DCC: variants seen among roughly 807,000 people sequenced by gnomAD.
The protein encoded by DCC is DCC netrin 1 receptor, also known as netrin receptor DCC.
In DCC, 58 loss-of-function variants were observed where a neutral mutation model predicts 172.5. The ratio of observed to expected loss-of-function variants is 0.34; its 90% confidence interval spans 0.27 to 0.42. The LOEUF is 0.42. Among genes scored for constraint, DCC ranks in the 10% least tolerant of loss-of-function variants. The probability of loss-of-function intolerance (pLI) is 1.00; values close to 1 mark genes in which losing one functional copy is unlikely to be tolerated. For synonymous variants in DCC, 709 were observed against 644.5 expected, an observed-to-expected ratio of 1.10 and a Z score of -1.52; for missense variants, 1,740 against 1,791.0, an observed-to-expected ratio of 0.97 and a Z score of 0.51.
chr18:52,887,974 A>C (rs2039592857), intron 2 of DCC, among the ~76,000 whole-genome samples: 1 of 152,226 alleles, frequency 6.6e-6, no homozygotes, highest in African/African-American at 2.4e-5. Context: ...AAAGTCTCTT[A>C]AGACACTGAA....
intron 14 of DCC, among the ~76,000 whole-genome samples, chr18:53,337,063 C>A (rs1179554111): frequency 1.3e-5 from 2 of 152,204 alleles, no homozygotes; most frequent in Non-Finnish European, 2.9e-5. Flanking sequence ...GTACACATTA[C>A]AATGATATGT....
At chr18:53,206,423 GTA>G (rs1361185269) in intron 10 of DCC, among the ~76,000 whole-genome samples, 5 of 88,620 alleles carry the variant, frequency 5.6e-5, no homozygotes, top group South Asian at 3.7e-4. Flanking sequence ...ACACATATAT[GTA>G]TATATGTATA....
chr18:53,153,778 G>A (rs2054682455), intron 7 of DCC, among the ~76,000 whole-genome samples: 1 of 152,122 alleles, frequency 6.6e-6, no homozygotes, highest in Non-Finnish European at 1.5e-5. Flanking sequence ...GCTTGTTAAG[G>A]TTTGGGATCT....
At chr18:53,338,504 A>C (rs948155125) in intron 14 of DCC, among the ~76,000 whole-genome samples, 2 of 152,184 alleles carry the variant, frequency 1.3e-5, no homozygotes, top group African/African-American at 4.8e-5. Flanking sequence ...TGGGAGGCTG[A>C]GGCAGAGAAT....
intron 5 of DCC, among the ~76,000 whole-genome samples, chr18:53,028,043 A>G (rs2041980122): frequency 6.6e-6 from 1 of 152,194 alleles, no homozygotes; most frequent in African/African-American, 2.4e-5. Flanking sequence ...CAGTAATCGC[A>G]TAATGACAGG....
chr18:53,116,244 A>G (rs2043407139), intron 7 of DCC, among the ~76,000 whole-genome samples: 1 of 151,758 alleles, frequency 6.6e-6, no homozygotes, highest in Non-Finnish European at 1.5e-5. Flanking sequence ...AGTACACTCC[A>G]CAGTGTGGGA....
At chr18:53,133,164 G>A (rs750938825) in intron 7 of DCC, among the ~76,000 whole-genome samples, 3 of 152,184 alleles carry the variant, frequency 2.0e-5, no homozygotes, top group Non-Finnish European at 4.4e-5. Context: ...CTGCTGCAAC[G>A]GCAGTTATGA....
chr18:52,421,903 TCTAA>T (rs1987263370), intron 1 of DCC, among the ~76,000 whole-genome samples: 1 of 152,176 alleles, frequency 6.6e-6, no homozygotes, highest in African/African-American at 2.4e-5. Context: ...TATGCAAACT[TCTAA>T]CTGTCCAAAG....
chr18:52,625,347 C>T (rs1167683121), intron 1 of DCC, among the ~76,000 whole-genome samples: 5 of 152,068 alleles, frequency 3.3e-5, no homozygotes, highest in South Asian at 2.1e-4. Context: ...ATGTAACCGC[C>T]GTATTGATTC....
intron 1 of DCC, among the ~76,000 whole-genome samples, chr18:52,472,360 ATTAGTC>A (rs1426834601): frequency 6.6e-6 from 1 of 152,106 alleles, no homozygotes; most frequent in Non-Finnish European, 1.5e-5. Context: ...ATCAAAAGCA[ATTAGTC>A]TTAGCTCCTT....
intron 1 of DCC, among the ~76,000 whole-genome samples, chr18:52,454,229 G>T (rs961890991): frequency 6.6e-6 from 1 of 152,098 alleles, no homozygotes; most frequent in Non-Finnish European, 1.5e-5. Context: ...AACAAAAGCA[G>T]TAAATTTTGC....
intron 1 of DCC, among the ~76,000 whole-genome samples, chr18:52,463,503 T>G (rs1038097411): frequency 2.0e-5 from 3 of 152,228 alleles, no homozygotes; most frequent in Admixed American, 1.3e-4. Flanking sequence ...TATCTTATAT[T>G]CAAATGCTAT....
At chr18:52,611,503 G>T (rs1381159115) in intron 1 of DCC, among the ~76,000 whole-genome samples, 1 of 152,148 alleles carries the variant, frequency 6.6e-6, no homozygotes. Flanking sequence ...GCAGGTGCTG[G>T]TGGGTAAAAT....
chr18:52,652,992 C>G (rs1028526708), intron 1 of DCC, among the ~76,000 whole-genome samples: 1 of 152,046 alleles, frequency 6.6e-6, no homozygotes, highest in African/African-American at 2.4e-5. Flanking sequence ...TACTGTATTT[C>G]CTTACTTCTA....
At chr18:53,255,391 G>A (rs1271573054) in intron 12 of DCC, among the ~76,000 whole-genome samples, 1 of 119,706 alleles carries the variant, frequency 8.4e-6, no homozygotes, top group Non-Finnish European at 1.6e-5. Flanking sequence ...ACAGGCCATG[G>A]TGTGTGATGT....
chr18:53,457,193 A>G (rs972862132), intron 23 of DCC, among the ~76,000 whole-genome samples: 4 of 152,296 alleles, frequency 2.6e-5, no homozygotes, highest in Admixed American at 1.3e-4. Context: ...AGGAACTACA[A>G]TTTCTTCCCC....
At chr18:52,606,999 C>T (rs2034145931) in intron 1 of DCC, among the ~76,000 whole-genome samples, 1 of 152,138 alleles carries the variant, frequency 6.6e-6, no homozygotes. Flanking sequence ...TATACATTTT[C>T]ACGCATGTTG....
intron 28 of DCC, among the ~76,000 whole-genome samples, chr18:53,527,159 C>T (rs1228617130): frequency 6.9e-6 from 1 of 144,064 alleles, no homozygotes; most frequent in African/African-American, 2.6e-5. Flanking sequence ...GGAAGAAATA[C>T]CTTGGCATTC....
intron 1 of DCC, chr18:52,419,357 G>T (rs1292533265): frequency 6.6e-6 from 1 of 152,080 alleles, no homozygotes; most frequent in African/African-American, 2.4e-5. Flanking sequence ...AGCAGCTACT[G>T]GCAATGCACA....
Sources: gnomAD v4.1 joint callset for allele counts (sites outside exome capture counted in the v4.1 genomes callset) on GRCh38, gnomAD v4.1.1 for gene constraint, MANE v1.5 for transcripts, NCBI Gene and HGNC (gene_info 2026-07-23, HGNC 2026-07-21) for gene names.